RBFOX3: variants seen among roughly 807,000 people sequenced by gnomAD.
RBFOX3 encodes RNA binding protein fox-1 homolog 3.
RBFOX3 carries 17 observed loss-of-function variants against 48.7 expected under a neutral mutation model. That is an observed-to-expected ratio of 0.35 (90% CI 0.24 to 0.52). RBFOX3 has a LOEUF of 0.52. Among genes scored for constraint, RBFOX3 ranks in the 20% least tolerant of loss-of-function variants. The probability of loss-of-function intolerance (pLI) is 0.94; values close to 1 mark genes in which losing one functional copy is unlikely to be tolerated. For missense variants in RBFOX3, 382 were observed against 497.5 expected, an observed-to-expected ratio of 0.77 and a Z score of 2.21; for synonymous variants, 212 against 209.5, an observed-to-expected ratio of 1.01 and a Z score of -0.10.
chr17:79,555,381 G>A (rs1430656482), intron 1 of RBFOX3, among the ~76,000 whole-genome samples: 1 of 120,306 alleles, frequency 8.3e-6, no homozygotes, highest in African/African-American at 4.2e-5. Flanking sequence ...TGGTAGTTGT[G>A]GTGGTGGTGA....
At chr17:79,287,878 C>A (rs1457778691) in intron 3 of RBFOX3, among the ~76,000 whole-genome samples, 1 of 152,206 alleles carries the variant, frequency 6.6e-6, no homozygotes, top group Non-Finnish European at 1.5e-5. Flanking sequence ...GACCTGCCCA[C>A]TGTTTCTCAG....
chr17:79,452,298 C>T (rs2073671271), intron 2 of RBFOX3, among the ~76,000 whole-genome samples: 1 of 152,084 alleles, frequency 6.6e-6, no homozygotes, highest in African/African-American at 2.4e-5. Context: ...AGGATGGAGG[C>T]CCACCCTGTC....
In RBFOX3 at chr17:79,307,818, C is replaced by T. The variant is rs1365971088; in HGVS notation, c.-168G>A. 1 of 153,788 alleles carries T rather than the reference C, an allele frequency of 6.5e-6. No individual in the cohort carries two copies. The highest frequency in any genetic ancestry group is 2.4e-5 in the African/African-American group (1 of 41,464). The allele number at this position is 153,788 out of a possible 1,614,324, so 9.5% of individuals were successfully genotyped here. A position where few individuals can be genotyped will look rare whatever the true frequency, so the allele number is the denominator to read the frequency against. ...GCAGAATTTCCTCTGGCTGCTGTGA[C>T]TTCAAGCTGCATTTCAAAAAGAAAA... On this transcript the variant is annotated 5_prime_UTR_variant, in exon 3 of 15. Transcript: ENST00000693108.
intron 1 of RBFOX3, among the ~76,000 whole-genome samples, chr17:79,538,084 C>G (rs1333337530): frequency 6.6e-6 from 1 of 152,250 alleles, no homozygotes; most frequent in Non-Finnish European, 1.5e-5. Context: ...TGCCAGGCAG[C>G]TCTTCCCCTG....
chr17:79,401,043 C>T (rs929048618), intron 2 of RBFOX3, among the ~76,000 whole-genome samples: 1 of 152,236 alleles, frequency 6.6e-6, no homozygotes, highest in Non-Finnish European at 1.5e-5. Context: ...GAGATCCGGG[C>T]GTGTTCATTT....
In RBFOX3 at chr17:79,097,559, A is replaced by G. The variant is rs1366823699; in HGVS notation, c.622+133T>C. ...AAGCCCCGCCCCCGGAGCGCTACTC[A>G]GTCAACACGGCGACGGGAGGGCGGG... On this transcript the variant is annotated intron_variant, in intron 10 of 14. Transcript: ENST00000693108. The G allele has an allele frequency of 3.6e-5, 43 of 1,192,542 alleles. No individual in the cohort carries two copies. In the South Asian group the frequency reaches 6.0e-4, roughly 17 times the overall value. 73.9% of individuals were successfully genotyped at this position (1,192,542 alleles called of 1,614,324 possible).
intron 4 of RBFOX3, among the ~76,000 whole-genome samples, chr17:79,122,008 C>T (rs933050932): frequency 6.6e-6 from 1 of 152,098 alleles, no homozygotes; most frequent in African/African-American, 2.4e-5. Flanking sequence ...CCGCATTGCC[C>T]CCATCAAACC....
intron 8 of RBFOX3, among the ~76,000 whole-genome samples, chr17:79,102,288 A>G (rs1350147191): frequency 6.6e-6 from 1 of 152,164 alleles, no homozygotes; most frequent in Non-Finnish European, 1.5e-5. Context: ...CGAGAATAGC[A>G]GGGGTGATGG....
chr17:79,502,964 G>A (rs2082580474), intron 1 of RBFOX3, among the ~76,000 whole-genome samples: 1 of 152,194 alleles, frequency 6.6e-6, no homozygotes. Context: ...ACAGACTGGG[G>A]ACCTTAAACA....
the RBFOX3 span, among the ~76,000 whole-genome samples, chr17:79,622,585 C>T: frequency 5.3e-5 from 8 of 152,194 alleles, no homozygotes; most frequent in Non-Finnish European, 1.2e-4. Flanking sequence ...CGGCTTCCTT[C>T]GGAGGCCTCT....
chr17:79,294,387 T>G (rs2145042481), intron 3 of RBFOX3, among the ~76,000 whole-genome samples: 1 of 152,302 alleles, frequency 6.6e-6, no homozygotes, highest in South Asian at 2.1e-4. Context: ...CTCTGCTCAC[T>G]GCAACCTCCA....
chr17:79,140,222 CTG>C (rs2041640535), intron 4 of RBFOX3, among the ~76,000 whole-genome samples: 1 of 152,268 alleles, frequency 6.6e-6, no homozygotes, highest in Non-Finnish European at 1.5e-5. Flanking sequence ...GGTGAGGAAA[CTG>C]AGGCTGCGAG....
chr17:79,572,718 AAAC>A lies in RBFOX3; in HGVS notation c.-320+38105_-320+38107del, dbSNP rs2092720251. On this transcript the variant is annotated intron_variant, in intron 1 of 14. Transcript: ENST00000693108. The stretch of plus-strand genomic sequence containing the variant: ...TACTTTATGGCCTACAGCGGTTTGC[AAAC>A]GTGCGTGTTTCCCAAGGCTCATTGT... Among the ~76,000 whole-genome samples the A allele has an allele frequency of 2.6e-5, 4 of 152,318 alleles. No individual in the cohort carries two copies. The South Asian group carries it at 6.2e-4, about 24-fold the overall frequency.
At chr17:79,632,133 T>C in the RBFOX3 span, among the ~76,000 whole-genome samples, 3 of 152,224 alleles carry the variant, frequency 2.0e-5, no homozygotes, top group South Asian at 2.1e-4. Flanking sequence ...GACAACTCTA[T>C]TGGGAGAACA....
chr17:79,402,286 T>C (rs1266841865), intron 2 of RBFOX3, among the ~76,000 whole-genome samples: 1 of 152,234 alleles, frequency 6.6e-6, no homozygotes, highest in Non-Finnish European at 1.5e-5. Flanking sequence ...TGAAAAATGG[T>C]GATTCATTAC....
At chr17:79,546,547 T>TG (rs2090458520) in intron 1 of RBFOX3, among the ~76,000 whole-genome samples, 1 of 142,320 alleles carries the variant, frequency 7.0e-6, no homozygotes, top group Non-Finnish European at 1.5e-5. Context: ...CCCAATGGCC[T>TG]GTCTGTAGCC....
chr17:79,492,413 TTCTC>T (rs1186726739), intron 1 of RBFOX3, among the ~76,000 whole-genome samples: 1 of 152,206 alleles, frequency 6.6e-6, no homozygotes, highest in African/African-American at 2.4e-5. Context: ...AGCTCCATCT[TTCTC>T]TCACTCTGGA....
chr17:79,499,205 C>T (rs559263928), intron 1 of RBFOX3, among the ~76,000 whole-genome samples: 2 of 151,072 alleles, frequency 1.3e-5, no homozygotes, highest in East Asian at 4.0e-4. Flanking sequence ...TCCAATCATA[C>T]ATATACCTAC....
chr17:79,379,281 C>T (rs2059599116), intron 2 of RBFOX3, among the ~76,000 whole-genome samples: 1 of 152,134 alleles, frequency 6.6e-6, no homozygotes, highest in South Asian at 2.1e-4. Context: ...GGGGTCACTG[C>T]CAGAATTCCC....
Sources: gnomAD v4.1 joint callset for allele counts (sites outside exome capture counted in the v4.1 genomes callset) on GRCh38, gnomAD v4.1.1 for gene constraint, MANE v1.5 for transcripts, NCBI Gene and HGNC (gene_info 2026-07-23, HGNC 2026-07-21) for gene names.